Variants in MRTFB observed in about 807,000 individuals in gnomAD.
MRTFB encodes the protein myocardin related transcription factor B.
Under a neutral mutation model 104.2 loss-of-function variants are expected in MRTFB, and 29 were observed. The observed-to-expected ratio is 0.28, with a 90% CI of 0.21 to 0.38. The LOEUF is 0.38. Among genes scored for constraint, MRTFB ranks in the 10% least tolerant of loss-of-function variants. The pLI, the probability that MRTFB is intolerant of heterozygous loss-of-function variation, is 1.00. For synonymous variants in MRTFB, 535 were observed against 519.5 expected (o/e 1.03, Z -0.41); for missense variants, 1,270 against 1,341.6 (o/e 0.95, Z 0.83).
intron 6 of MRTFB, among the ~76,000 whole-genome samples, chr16:14,216,789 G>A (rs775171301): frequency 9.2e-5 from 14 of 152,090 alleles, no homozygotes; most frequent in Admixed American, 5.9e-4. Flanking sequence ...GGCCACATCC[G>A]TCTTGCCCAT....
the MRTFB span, among the ~76,000 whole-genome samples, chr16:14,002,118 C>T: frequency 3.3e-5 from 5 of 152,214 alleles, no homozygotes; most frequent in Admixed American, 6.5e-5. Flanking sequence ...CATGGTGGCT[C>T]ATACCTGTAA....
intron 12 of MRTFB, 160 bp downstream of exon 12, chr16:14,247,667 T>C (rs926611013): frequency 3.1e-6 from 2 of 648,416 alleles, no homozygotes; most frequent in Non-Finnish European, 5.2e-6. Context: ...GAAATCTGAA[T>C]ATCTAGCACT....
At chr16:14,196,289 C>G (rs1327668286) in intron 3 of MRTFB, among the ~76,000 whole-genome samples, 1 of 152,222 alleles carries the variant, frequency 6.6e-6, no homozygotes, top group African/African-American at 2.4e-5. Context: ...TGCAGATTAT[C>G]GTAGGAAACC....
the MRTFB span, among the ~76,000 whole-genome samples, chr16:14,050,750 G>A: frequency 3.9e-5 from 6 of 152,138 alleles, no homozygotes; most frequent in South Asian, 6.2e-4. Context: ...TTTCAGACTC[G>A]GTTTTCTCAG....
intron 3 of MRTFB, among the ~76,000 whole-genome samples, chr16:14,162,317 G>GC (rs1330342607): frequency 6.6e-6 from 1 of 152,070 alleles, no homozygotes; most frequent in African/African-American, 2.4e-5. Flanking sequence ...GGGCAACAGA[G>GC]CAAGACCCTG....
chr16:14,193,992 T>C (rs1422213760), intron 3 of MRTFB, among the ~76,000 whole-genome samples: 1 of 152,176 alleles, frequency 6.6e-6, no homozygotes, highest in East Asian at 1.9e-4. Flanking sequence ...CTTAAACCCA[T>C]CCTAAGTGAA....
At chr16:14,127,917 ATATATATATATATTT>A (rs2037213815) in intron 2 of MRTFB, among the ~76,000 whole-genome samples, 2 of 51,092 alleles carry the variant, frequency 3.9e-5, no homozygotes, top group African/African-American at 6.2e-5. Flanking sequence ...ATATATATAT[ATATATATATATATTT>A]TTTTTTTTTT....
At chr16:14,144,957 A>AT (rs2038222845) in intron 3 of MRTFB, among the ~76,000 whole-genome samples, 3 of 139,160 alleles carry the variant, frequency 2.2e-5, no homozygotes, top group Admixed American at 7.0e-5. Context: ...TCAAAAAAAA[A>AT]AAAAATAAAT....
chr16:14,215,829 G>C (rs1332547724), intron 6 of MRTFB, among the ~76,000 whole-genome samples: 1 of 152,174 alleles, frequency 6.6e-6, no homozygotes, highest in Non-Finnish European at 1.5e-5. Flanking sequence ...CTTTGGGTAA[G>C]ACTTTAATGA....
intron 7 of MRTFB, 152 bp downstream of exon 7, chr16:14,217,439 C>T (rs1174311809): frequency 1.5e-6 from 1 of 650,438 alleles, no homozygotes; most frequent in Non-Finnish European, 2.5e-6. Flanking sequence ...ACTATCATTT[C>T]ATTATGTATT....
chr16:14,103,068 C>T (rs1272659822), intron 2 of MRTFB, among the ~76,000 whole-genome samples: 1 of 152,304 alleles, frequency 6.6e-6, no homozygotes, highest in South Asian at 2.1e-4. Context: ...CACTTACTTC[C>T]TCTGGGATCC....
At chr16:14,132,605 AG>A (rs1414047104) in intron 2 of MRTFB, among the ~76,000 whole-genome samples, 3 of 152,240 alleles carry the variant, frequency 2.0e-5, no homozygotes, top group African/African-American at 7.2e-5. Context: ...ACATTTTACA[AG>A]AAGTTAAACA....
intron 2 of MRTFB, among the ~76,000 whole-genome samples, chr16:14,090,577 A>T (rs569132249): frequency 6.6e-6 from 1 of 152,286 alleles, no homozygotes; most frequent in East Asian, 1.9e-4. Context: ...TGGTGGTGCC[A>T]GGAGGGGGAA....
intron 3 of MRTFB, among the ~76,000 whole-genome samples, chr16:14,148,105 A>C (rs1272869397): frequency 6.6e-6 from 1 of 152,230 alleles, no homozygotes; most frequent in Non-Finnish European, 1.5e-5. Context: ...TTTATTAAGA[A>C]ATAGTCTTTG....
intron 2 of MRTFB, among the ~76,000 whole-genome samples, chr16:14,105,788 G>A (rs1170113917): frequency 6.6e-6 from 1 of 152,142 alleles, no homozygotes; most frequent in Non-Finnish European, 1.5e-5. Context: ...AAGCTTTACT[G>A]TCATTATTAA....
At chr16:14,079,095 AGG>A (rs1462676879) in intron 1 of MRTFB, among the ~76,000 whole-genome samples, 193 bp from the exon 2 acceptor site, 1 of 152,210 alleles carries the variant, frequency 6.6e-6, no homozygotes, top group Non-Finnish European at 1.5e-5. Context: ...AGTCGTGTAT[AGG>A]TTCTCGAACA....
intron 3 of MRTFB, among the ~76,000 whole-genome samples, chr16:14,208,353 A>T (rs1371030580): frequency 6.6e-6 from 1 of 152,194 alleles, no homozygotes; most frequent in Non-Finnish European, 1.5e-5. Context: ...ATTCACCCAA[A>T]AAACGTATTG....
At chr16:14,086,993 A>C (rs1034155449) in intron 2 of MRTFB, among the ~76,000 whole-genome samples, 1 of 152,198 alleles carries the variant, frequency 6.6e-6, no homozygotes, top group Non-Finnish European at 1.5e-5. Flanking sequence ...TTTGATTGGA[A>C]AGTTGGGCAG....
chr16:14,192,539 A>AGTT (rs1425971305), intron 3 of MRTFB, among the ~76,000 whole-genome samples: 2 of 152,228 alleles, frequency 1.3e-5, no homozygotes, highest in African/African-American at 4.8e-5. Context: ...ATTTAGCAGA[A>AGTT]GTTTGAGTGC....
Sources: gnomAD v4.1 joint callset for allele counts (sites outside exome capture counted in the v4.1 genomes callset) on GRCh38, gnomAD v4.1.1 for gene constraint, MANE v1.5 for transcripts, NCBI Gene and HGNC (gene_info 2026-07-23, HGNC 2026-07-21) for gene names.